Variants in IFRD1 observed in about 807,000 individuals in gnomAD.
IFRD1 encodes interferon-related developmental regulator 1.
In IFRD1, 35 loss-of-function variants were observed where a neutral mutation model predicts 52.9. The observed-to-expected ratio is 0.66, with a 90% CI of 0.51 to 0.88. The LOEUF is 0.88. Ranked by LOEUF, IFRD1 falls within the 40% of genes least tolerant of loss-of-function variation. The pLI is 0.00. For synonymous variants in IFRD1, 184 were observed against 188.4 expected (o/e 0.98, Z 0.19); for missense variants, 517 against 550.8 (o/e 0.94, Z 0.61).
intron 1 of IFRD1, among the ~76,000 whole-genome samples, chr7:112,454,668 A>G (rs906587743): frequency 1.3e-5 from 2 of 152,046 alleles, no homozygotes; most frequent in Non-Finnish European, 2.9e-5. Flanking sequence ...ATTCCCCTTA[A>G]CATAAGACAT....
At chr7:112,459,356 C>A (rs1795374884) in intron 5 of IFRD1, among the ~76,000 whole-genome samples, 1 of 152,136 alleles carries the variant, frequency 6.6e-6, no homozygotes, top group Non-Finnish European at 1.5e-5. Flanking sequence ...TTACCTCTTG[C>A]AACACTTGAC....
chr7:112,462,497 A>G, intron 8 of IFRD1, 119 bp downstream of exon 8: 1 of 743,064 alleles, frequency 1.3e-6, no homozygotes, highest in African/African-American at 1.7e-5. Flanking sequence ...GAACCCAGTG[A>G]TTTATTTCCC....
At chr7:112,435,182 G>A (rs772339419) in intron 1 of IFRD1, among the ~76,000 whole-genome samples, 5 of 152,076 alleles carry the variant, frequency 3.3e-5, no homozygotes, top group Non-Finnish European at 7.4e-5. Context: ...AAGTGATGGC[G>A]GTATTACCTC....
rs368279888 is a variant in IFRD1 at position 112,426,299 on chromosome 7, AG to A, written c.-182+2868del. Among the ~76,000 whole-genome samples, 1,381 of 152,308 alleles carry A rather than the reference AG, an allele frequency of 9.1e-3. 24 individuals are homozygous for A. The highest frequency in any genetic ancestry group is 0.032 in the African/African-American group (1,328 of 41,556). Reference sequence around the variant, plus strand: ...TATTCTCCAGTCTCCCTTGCAGTTGAGTATGGACATTTGGCCAAGAGTGGGG... The same window carrying A: ...TATTCTCCAGTCTCCCTTGCAGTTGATATGGACATTTGGCCAAGAGTGGGG... On this transcript the variant is annotated intron_variant, in intron 1 of 12. Transcript: ENST00000005558.
chr7:112,439,597 T>C (rs938299893), intron 1 of IFRD1, among the ~76,000 whole-genome samples: 1 of 152,208 alleles, frequency 6.6e-6, no homozygotes, highest in Non-Finnish European at 1.5e-5. Context: ...CCTTCTCTTT[T>C]GCTATTCTTG....
rs188209778 is a variant in IFRD1, at chr7:112,427,948, G to A, written c.-182+4516G>A. ...GTGCTGAGTGCCTTGATGGAGCACT[G>A]TATGTGTCATTACAGAGGAGGGCAC... On this transcript the variant is annotated intron_variant, in intron 1 of 12. Coordinates refer to the IFRD1 transcript ENST00000005558. Among the ~76,000 whole-genome samples, 299 of 152,254 alleles carry A rather than the reference G, an allele frequency of 2.0e-3. 1 individual carries two copies. Among genetic ancestry groups the A allele is most frequent in the African/African-American group, 6.8e-3 (284 of 41,544 alleles).
chr7:112,443,401 T>G (rs1794942375), intron 1 of IFRD1, among the ~76,000 whole-genome samples: 1 of 149,354 alleles, frequency 6.7e-6, no homozygotes, highest in South Asian at 2.1e-4. Flanking sequence ...CAGCAAGACC[T>G]CATTTCTACA....
At chr7:112,439,465 T>C (rs1350646494) in intron 1 of IFRD1, among the ~76,000 whole-genome samples, 1 of 152,252 alleles carries the variant, frequency 6.6e-6, no homozygotes, top group Non-Finnish European at 1.5e-5. Flanking sequence ...ATCTCAAGTT[T>C]AATTTTTTTA....
chr7:112,426,512 G>C (rs1466454850), intron 1 of IFRD1, among the ~76,000 whole-genome samples: 1 of 152,162 alleles, frequency 6.6e-6, no homozygotes, highest in African/African-American at 2.4e-5. Context: ...CAAGATTGAG[G>C]GGCCACATCT....
intron 1 of IFRD1, among the ~76,000 whole-genome samples, chr7:112,423,991 T>C (rs1156633110): frequency 6.6e-6 from 1 of 152,204 alleles, no homozygotes; most frequent in African/African-American, 2.4e-5. Context: ...GCGGGATCTG[T>C]TATAAAGAAA....
In IFRD1 at chr7:112,462,345, A is replaced by G; in HGVS notation, c.873A>G (p.Ala291=). Residue 291 remains alanine, a synonymous_variant, in exon 8 of 12, where the codon GCA becomes GCG. Coordinates refer to ENST00000403825, the MANE Select transcript of IFRD1 (RefSeq NM_001550.4). ...NMRIAAGESL[A]LLFELARGIE... Reference sequence around the variant, plus strand: ...GAATAGCTGCTGGTGAATCTTTGGCACTTCTCTTTGAATTGGCCAGAGGAA... The same window carrying G: ...GAATAGCTGCTGGTGAATCTTTGGCGCTTCTCTTTGAATTGGCCAGAGGAA... 1 of 1,613,412 alleles carries G rather than the reference A, an allele frequency of 6.2e-7. No homozygotes were observed. Among genetic ancestry groups the G allele is most frequent in the Non-Finnish European group, 8.5e-7 (1 of 1,179,488 alleles).
chr7:112,443,477 G>A (rs1029761614), intron 1 of IFRD1, among the ~76,000 whole-genome samples: 2 of 152,018 alleles, frequency 1.3e-5, no homozygotes, highest in African/African-American at 2.4e-5. Flanking sequence ...AGGCTGAGAC[G>A]GGAGGATTGC....
intron 1 of IFRD1, among the ~76,000 whole-genome samples, chr7:112,430,185 G>C (rs1425342798): frequency 6.6e-6 from 1 of 152,234 alleles, no homozygotes; most frequent in Non-Finnish European, 1.5e-5. Flanking sequence ...CAGCAACGTA[G>C]AAAAGATGCA....
At chr7:112,444,250 G>A (rs918410272) in intron 1 of IFRD1, among the ~76,000 whole-genome samples, 14 of 151,832 alleles carry the variant, frequency 9.2e-5, no homozygotes, top group Non-Finnish European at 8.8e-5. Flanking sequence ...ATTAAACACT[G>A]ACTGTCTTTT....
At chr7:112,475,387 C>T (rs774699637) in intron 11 of IFRD1, 43 bp from the exon 12 acceptor site, 2 of 1,095,194 alleles carry the variant, frequency 1.8e-6, no homozygotes, top group Non-Finnish European at 2.8e-6. Flanking sequence ...GTAAGAATAT[C>T]TTAAGTCTTA....
intron 9 of IFRD1, among the ~76,000 whole-genome samples, chr7:112,470,311 A>G (rs1169541160): frequency 6.6e-6 from 1 of 152,226 alleles, no homozygotes; most frequent in Non-Finnish European, 1.5e-5. Context: ...CAAATCCTAT[A>G]TACAGATAGG....
At chr7:112,433,368 T>C (rs540943853) in intron 1 of IFRD1, among the ~76,000 whole-genome samples, 14 of 152,150 alleles carry the variant, frequency 9.2e-5, no homozygotes, top group Non-Finnish European at 1.9e-4. Context: ...AATCAGTTCC[T>C]GGGTGGGGCC....
At chr7:112,444,553 A>C (rs1241250252) in intron 1 of IFRD1, among the ~76,000 whole-genome samples, 1 of 152,222 alleles carries the variant, frequency 6.6e-6, no homozygotes, top group Admixed American at 6.5e-5. Flanking sequence ...ATGGAATAAC[A>C]TTACTATTTA....
chr7:112,472,892 AAG>A, intron 11 of IFRD1, 31 bp downstream of exon 11: 1 of 1,430,446 alleles, frequency 7.0e-7, no homozygotes, highest in East Asian at 2.3e-5. Context: ...TAATAAAACT[AAG>A]TGCGCCAAAG....
Sources: gnomAD v4.1 joint callset for allele counts (sites outside exome capture counted in the v4.1 genomes callset) on GRCh38, gnomAD v4.1.1 for gene constraint, MANE v1.5 for transcripts, NCBI Gene and HGNC (gene_info 2026-07-23, HGNC 2026-07-21) for gene names.